CLOCK: variants seen among roughly 807,000 people sequenced by gnomAD.
CLOCK encodes the protein clock circadian regulator.
Under a neutral mutation model 118.4 loss-of-function variants are expected in CLOCK, and 43 were observed. The observed-to-expected ratio is 0.36, with a 90% CI of 0.28 to 0.47. The LOEUF is 0.47. Ranked by LOEUF, CLOCK falls within the 20% of genes least tolerant of loss-of-function variation. CLOCK has a pLI of 1.00. For synonymous variants in CLOCK, 326 were observed against 339.2 expected, an observed-to-expected ratio of 0.96 and a Z score of 0.43; for missense variants, 846 against 999.9, an observed-to-expected ratio of 0.85 and a Z score of 2.08.
rs569747296 is a variant in CLOCK, at chr4:55,527,587, A to T, written c.-289-17522T>A. ...GAAAATAAAATAAAAATTTTAAAAG[A>T]CTAAAAAAACATAACTGGGAGGTAT... is the stretch of plus-strand genomic sequence containing the variant. On this transcript the variant is annotated intron_variant, in intron 1 of 22. Coordinates refer to ENST00000513440, the MANE Select transcript of CLOCK (RefSeq NM_004898.4). Among the ~76,000 whole-genome samples the T allele has an allele frequency of 2.0e-5, 3 of 152,316 alleles. No individual in the cohort carries two copies. In the East Asian group the frequency reaches 5.8e-4, roughly 29 times the overall value.
rs572609128 is a variant in CLOCK at position 55,477,061 on chromosome 4, A to G, written c.257-1007T>C. Among the ~76,000 whole-genome samples the G allele has an allele frequency of 1.3e-3, 199 of 152,278 alleles. 1 individual carries two copies. The highest frequency in any genetic ancestry group is 4.5e-3 in the African/African-American group (187 of 41,582). On this transcript the variant is annotated intron_variant, in intron 6 of 22. Transcript: ENST00000513440. ...ATACAGTTGTGTTTTTCAAATTCAC[A>G]TCAATTATATACATTTGGGAAAAGG... is the stretch of plus-strand genomic sequence containing the variant.
chr4:55,491,814 T>C (rs1257072136), intron 2 of CLOCK, among the ~76,000 whole-genome samples: 1 of 152,110 alleles, frequency 6.6e-6, no homozygotes, highest in East Asian at 1.9e-4. Flanking sequence ...GTACATAGTT[T>C]TTTTAAGAAT....
At chr4:55,530,086 C>T (rs1323502351) in intron 1 of CLOCK, among the ~76,000 whole-genome samples, 1 of 142,820 alleles carries the variant, frequency 7.0e-6, no homozygotes, top group African/African-American at 2.5e-5. Context: ...AATAAAAGAA[C>T]ATTTTCCATA....
intron 2 of CLOCK, among the ~76,000 whole-genome samples, chr4:55,504,283 CAAAAAA>C (rs35414558): frequency 5.8e-5 from 3 of 51,948 alleles, no homozygotes; most frequent in African/African-American, 7.1e-5. Context: ...GAGACTCCAT[CAAAAAA>C]AAAAAAAAAA....
intron 1 of CLOCK, among the ~76,000 whole-genome samples, chr4:55,515,651 G>A (rs113120442): frequency 0.017 from 2,576 of 152,250 alleles, 73 homozygotes; most frequent in African/African-American, 0.058. Context: ...CCAAAGTGCT[G>A]GGATTACAGG....
At position 55,506,087 on chromosome 4, in the gene CLOCK, C is replaced by G. The variant is rs1577817861; in HGVS notation, c.-136+3825G>C. ...TCTCTCTTTTTTTGTTTTAGTTGAG[C>G]AAAAACTGCCCTCCAAGACTTTTTC... is the stretch of plus-strand genomic sequence containing the variant. On this transcript the variant is annotated intron_variant, in intron 2 of 22. Transcript: ENST00000513440. Among the ~76,000 whole-genome samples, 3 of 152,098 alleles carry G rather than the reference C, an allele frequency of 2.0e-5. No homozygotes were observed. In the South Asian group the frequency reaches 6.2e-4, roughly 32 times the overall value.
intron 2 of CLOCK, among the ~76,000 whole-genome samples, chr4:55,494,399 G>A (rs1158636041): frequency 6.6e-6 from 1 of 152,186 alleles, no homozygotes; most frequent in Admixed American, 6.5e-5. Flanking sequence ...AGGATCTTGA[G>A]ATGTGGAGAT....
chr4:55,488,046 C>G (rs1053928630), intron 3 of CLOCK, among the ~76,000 whole-genome samples: 1 of 152,206 alleles, frequency 6.6e-6, no homozygotes, highest in Non-Finnish European at 1.5e-5. Flanking sequence ...TCATCCCCAC[C>G]ACTCCACTCA....
chr4:55,435,620 A>G (rs372207032), intron 22 of CLOCK, 26 bp from the exon 23 acceptor site: 11 of 1,611,848 alleles, frequency 6.8e-6, no homozygotes, highest in Non-Finnish European at 9.3e-6. Flanking sequence ...ATTATGCAGC[A>G]TTGCTTTACT....
chr4:55,460,215 C>T (rs1050339679), intron 9 of CLOCK, among the ~76,000 whole-genome samples: 25 of 152,172 alleles, frequency 1.6e-4, no homozygotes, highest in African/African-American at 6.0e-4. Flanking sequence ...ATTCCCACAG[C>T]ATAAACTTAC....
chr4:55,431,064 C>T lies in CLOCK; in HGVS notation c.*4351G>A, dbSNP rs1024726580. 2.6e-5 allele frequency: 4 copies of T among 152,102 alleles called. No individual in the cohort carries two copies. Among genetic ancestry groups the T allele is most frequent in the African/African-American group, 9.7e-5 (4 of 41,428 alleles). The allele number at this position is 152,102 out of a possible 1,614,324, so 9.4% of individuals were successfully genotyped here. A position where few individuals can be genotyped will look rare whatever the true frequency, so the allele number is the denominator to read the frequency against. The stretch of plus-strand genomic sequence containing the variant: ...TTGGGGATCCTTTAGAAATGGTTAA[C>T]GCCTAAGAATAAACTTTATCAAAAT... On this transcript the variant is annotated 3_prime_UTR_variant, in exon 23 of 23. Coordinates refer to ENST00000513440, the MANE Select transcript of CLOCK (RefSeq NM_004898.4).
At chr4:55,492,055 G>C (rs555580587) in intron 2 of CLOCK, among the ~76,000 whole-genome samples, 49 of 152,198 alleles carry the variant, frequency 3.2e-4, no homozygotes, top group African/African-American at 1.1e-3. Flanking sequence ...TATGAAGCCA[G>C]CATTATGCTG....
chr4:55,460,928 C>CTTTTTTT (rs11441195), intron 9 of CLOCK, among the ~76,000 whole-genome samples: 1 of 145,676 alleles, frequency 6.9e-6, no homozygotes, highest in Non-Finnish European at 1.5e-5. Flanking sequence ...CTTTCCTCTC[C>CTTTTTTT]TTTTTTTTTT....
intron 8 of CLOCK, among the ~76,000 whole-genome samples, chr4:55,464,953 T>G (rs1725634098): frequency 6.6e-6 from 1 of 152,132 alleles, no homozygotes; most frequent in African/African-American, 2.4e-5. Context: ...CCTTCCCCCC[T>G]CTCTACATAT....
intron 3 of CLOCK, among the ~76,000 whole-genome samples, 199 bp from the exon 4 acceptor site, chr4:55,483,027 C>A (rs1419539843): frequency 5.9e-5 from 9 of 152,004 alleles, no homozygotes; most frequent in Non-Finnish European, 1.0e-4. Flanking sequence ...AAAACACCTA[C>A]AAGAAAAAAA....
intron 3 of CLOCK, among the ~76,000 whole-genome samples, chr4:55,486,025 C>G (rs1727278120): frequency 6.6e-6 from 1 of 152,164 alleles, no homozygotes; most frequent in African/African-American, 2.4e-5. Flanking sequence ...CTTCCCAGCT[C>G]AACATGTATC....
At chr4:55,464,945 T>C (rs890427223) in intron 8 of CLOCK, among the ~76,000 whole-genome samples, 15 of 152,168 alleles carry the variant, frequency 9.9e-5, no homozygotes, top group Non-Finnish European at 1.9e-4. Flanking sequence ...TGAGATGACC[T>C]TCCCCCCTCT....
At chr4:55,499,492 A>T (rs550571972) in intron 2 of CLOCK, among the ~76,000 whole-genome samples, 5 of 152,218 alleles carry the variant, frequency 3.3e-5, no homozygotes, top group African/African-American at 1.2e-4. Flanking sequence ...GATTCTCATA[A>T]GGAGCATACA....
Position 55,430,713 on chromosome 4 carries a change from T to G in CLOCK, c.*4702A>C, listed in dbSNP as rs1221486996. The G allele has an allele frequency of 6.6e-6, 1 of 152,172 alleles. No individual in the cohort carries two copies. Among genetic ancestry groups the G allele is most frequent in the African/African-American group, 2.4e-5 (1 of 41,444 alleles). 9.4% of individuals were successfully genotyped at this position (152,172 alleles called of 1,614,324 possible). ...AAAACACTCAGAATAATTCTTGAAA[T>G]TATTATATTCTAAAATGTTACTAGC... On this transcript the variant is annotated 3_prime_UTR_variant, in exon 23 of 23. Transcript: ENST00000513440.
Sources: gnomAD v4.1 joint callset for allele counts (sites outside exome capture counted in the v4.1 genomes callset) on GRCh38, gnomAD v4.1.1 for gene constraint, MANE v1.5 for transcripts, NCBI Gene and HGNC (gene_info 2026-07-23, HGNC 2026-07-21) for gene names.